The following ADGRD2 variants were observed in gnomAD, a reference collection of about 807,000 sequenced individuals.
The protein encoded by ADGRD2 is G protein-coupled receptor PGR24.
ADGRD2 carries 71 observed loss-of-function variants against 44.4 expected under a neutral mutation model. The ratio of observed to expected loss-of-function variants is 1.60; its 90% CI spans 1.32 to 1.95. ADGRD2 has a LOEUF of 1.95. ADGRD2 is among the 30% of genes most tolerant of loss of function. The probability of loss-of-function intolerance (pLI) is 0.00; values close to 1 mark genes in which losing one functional copy is unlikely to be tolerated. For synonymous variants in ADGRD2, 481 were observed against 224.8 expected (o/e 2.14, Z -10.19); for missense variants, 1,039 against 512.4 (o/e 2.03, Z -9.92).
At chr9:124,475,133 G>A (rs1019027976) in intron 17 of ADGRD2, among the ~76,000 whole-genome samples, 7 of 152,252 alleles carry the variant, frequency 4.6e-5, no homozygotes, top group Admixed American at 3.3e-4. Flanking sequence ...ATAGCATGGC[G>A]AGGCGGTGAG....
Position 124,454,922 on chromosome 9 carries a change from A to G in ADGRD2, c.1190A>G (p.His397Arg). ...TCCAGCTTCCTGGGCCTTCTGGAGCATGTCCTGGCGATGGAGATGGCTCCC... is the reference window on the plus strand; with the variant it reads ...TCCAGCTTCCTGGGCCTTCTGGAGCGTGTCCTGGCGATGGAGATGGCTCCC... The change falls in exon 6 of 22, where the codon CAT becomes CGT. Residue 397 changes from histidine to arginine, a missense_variant. Coordinates refer to ENST00000334810, the Ensembl canonical transcript of ADGRD2. This position sits in a 1 kb window ranked among gnomAD's most constrained non-coding sequence, Gnocchi z 4.5. 1.4e-6 allele frequency: 1 copy of G among 716,582 alleles called. No homozygotes were observed. Among genetic ancestry groups the G allele is most frequent in the Non-Finnish European group, 2.6e-6 (1 of 385,066 alleles). 44.4% of individuals were successfully genotyped at this position (716,582 alleles called of 1,614,324 possible).
rs1394934156 is a variant in ADGRD2, at chr9:124,452,147, G to A, written c.59G>A (p.Gly20Glu). ...CCCCAGGTGAATCAAGGAACCCTTG[G>A]GCCCCAGGTTGGTATGAGGGATCCC... is the stretch of plus-strand genomic sequence containing the variant. The change falls in exon 1 of 22, where the codon GGG (glycine) becomes GAG (glutamate). Residue 20 changes from glycine (G) to glutamate (E), a missense_variant. Physicochemically the swap from Gly to Glu is moderately conservative, Grantham distance 98. Transcript: ENST00000334810. The A allele has an allele frequency of 1.1e-5, 8 of 717,268 alleles. No homozygotes were observed. In the Admixed American group the frequency reaches 1.2e-4, roughly 11 times the overall value. The allele number at this position is 717,268 out of a possible 1,614,324, so 44.4% of individuals were successfully genotyped here. A position where few individuals can be genotyped will look rare whatever the true frequency, so the allele number is the denominator to read the frequency against.
At chr9:124,452,619 C>T in exon 2 of ADGRD2, 1 of 718,428 alleles carries the variant, frequency 1.4e-6, no homozygotes, top group Non-Finnish European at 2.6e-6. Context: ...AGCAGTTTGG[C>T]CACTTGGCAC....
chr9:124,468,319 GGGGAGGAGCAGGGCCCC>G (rs1273549187), intron 13 of ADGRD2, 129 bp downstream of exon 16: 20 of 683,554 alleles, frequency 2.9e-5, no homozygotes, highest in Non-Finnish European at 5.1e-5. Context: ...AGCAGGGCCC[GGGGAGGAGCAGGGCCCC>G]GGGAGGAAAG....
chr9:124,453,109 C>G (rs984775741), exon 3 of ADGRD2: 4 of 700,600 alleles, frequency 5.7e-6, no homozygotes, highest in Non-Finnish European at 7.8e-6. Context: ...GAGCCCTCTG[C>G]CTGAGCTGGC....
intron 14 of ADGRD2, among the ~76,000 whole-genome samples, chr9:124,468,973 C>G (rs1329313971): frequency 2.0e-5 from 3 of 152,176 alleles, no homozygotes; most frequent in Non-Finnish European, 4.4e-5. Flanking sequence ...AGCCAGTTGC[C>G]CAGCCTCCGT....
chr9:124,467,902 G>A (rs973991878), intron 12 of ADGRD2, 78 bp downstream of exon 15: 23 of 710,532 alleles, frequency 3.2e-5, no homozygotes, highest in Admixed American at 2.8e-4. Context: ...CCATTGGTCG[G>A]GTGTCCATCC....
exon 9 of ADGRD2, chr9:124,458,229 G>T (rs1274250971): frequency 7.0e-6 from 5 of 718,456 alleles, no homozygotes; most frequent in Non-Finnish European, 5.2e-6. Flanking sequence ...GGCAAACAGG[G>T]TGCAGAGGTG....
At chr9:124,459,220 G>C (rs533323514) in intron 10 of ADGRD2, among the ~76,000 whole-genome samples, 1 of 152,188 alleles carries the variant, frequency 6.6e-6, no homozygotes, top group East Asian at 1.9e-4. Flanking sequence ...GTCCGGGCAC[G>C]GTGGCTTACG....
intron 7 of ADGRD2, among the ~76,000 whole-genome samples, 158 bp downstream of exon 10, chr9:124,456,891 C>T (rs1831628157): frequency 6.6e-6 from 1 of 152,178 alleles, no homozygotes; most frequent in South Asian, 2.1e-4. Flanking sequence ...CCCTCGATCT[C>T]CTAGCAAACA....
chr9:124,470,397 C>A, intron 16 of ADGRD2, 97 bp from the exon 20 acceptor site: 1 of 627,618 alleles, frequency 1.6e-6, no homozygotes, highest in Non-Finnish European at 2.9e-6. Context: ...CAGCTCCCAC[C>A]CCGCTCCAGG....
At position 124,454,620 on chromosome 9, in the gene ADGRD2, C is replaced by T. The variant is rs1351381124; in HGVS notation, c.1108+51C>T. The T allele has an allele frequency of 8.6e-6, 6 of 698,984 alleles. No individual in the cohort carries two copies. The highest frequency in any genetic ancestry group is 1.6e-5 in the Non-Finnish European group (6 of 373,330). 43.3% of individuals were successfully genotyped at this position (698,984 alleles called of 1,614,324 possible). A position where few individuals can be genotyped will look rare whatever the true frequency, so the allele number is the denominator to read the frequency against. ...AGCCTGGGGGCTCCATGGGTCACCTCGCTGCACCTCAGTTTCCTCCCTTGT... is the reference window on the plus strand; with the variant it reads ...AGCCTGGGGGCTCCATGGGTCACCTTGCTGCACCTCAGTTTCCTCCCTTGT... On this transcript the variant is annotated intron_variant, in intron 5 of 21. Coordinates refer to ENST00000334810, the Ensembl canonical transcript of ADGRD2. This position sits in a 1 kb window ranked among gnomAD's most constrained non-coding sequence, Gnocchi z 4.5.
At chr9:124,462,159 G>C (rs1831733942) in intron 10 of ADGRD2, among the ~76,000 whole-genome samples, 1 of 151,890 alleles carries the variant, frequency 6.6e-6, no homozygotes, top group African/African-American at 2.4e-5. Context: ...CCTGGCTCAA[G>C]CGATCCTCCT....
At chr9:124,467,589 G>C in intron 11 of ADGRD2, 132 bp from the exon 15 acceptor site, 1 of 638,704 alleles carries the variant, frequency 1.6e-6, no homozygotes. Context: ...TGCAGGCCTG[G>C]GTCCTGCTGG....
chr9:124,477,026 C>G (rs1198720747), intron 21 of ADGRD2: 5 of 624,714 alleles, frequency 8.0e-6, no homozygotes, highest in Non-Finnish European at 1.2e-5. Flanking sequence ...GCACAGCCTG[C>G]CTTTCTCTGT....
chr9:124,460,662 A>G (rs1160571620), intron 10 of ADGRD2, among the ~76,000 whole-genome samples: 2 of 151,982 alleles, frequency 1.3e-5, no homozygotes. Flanking sequence ...GCTGAGTAGT[A>G]CTGAGGTATA....
In ADGRD2 at chr9:124,454,012, G is replaced by C. The variant is rs1203526177; in HGVS notation, c.939G>C (p.Glu313Asp). The change falls in exon 4 of 22, where the codon GAG becomes GAC. Residue 313 changes from glutamate to aspartate, a missense_variant. By Grantham distance (45) the Glu-to-Asp change is conservative. Coordinates refer to ENST00000334810, the Ensembl canonical transcript of ADGRD2. The surrounding 1 kb of genome is among the most constrained non-coding windows in gnomAD (Gnocchi z 4.5). ...TGCCCCTGCCAGTGCCCTCCGAGGAGTGCCCTACGTGGAACCCGGGACCTC... is the reference window on the plus strand; with the variant it reads ...TGCCCCTGCCAGTGCCCTCCGAGGACTGCCCTACGTGGAACCCGGGACCTC... The C allele has an allele frequency of 1.3e-5, 9 of 705,454 alleles. No individual in the cohort carries two copies. In the Admixed American group the frequency reaches 1.5e-4, roughly 11 times the overall value. 43.7% of individuals were successfully genotyped at this position (705,454 alleles called of 1,614,324 possible). A position where few individuals can be genotyped will look rare whatever the true frequency, so the allele number is the denominator to read the frequency against.
At chr9:124,467,692 C>T (rs918288823) in intron 11 of ADGRD2, 29 bp from the exon 15 acceptor site, 1 of 717,614 alleles carries the variant, frequency 1.4e-6, no homozygotes, top group Non-Finnish European at 2.6e-6. Context: ...TGGGTGGTGC[C>T]AGGGGGGTTT....
intron 14 of ADGRD2, 146 bp downstream of exon 17, chr9:124,468,818 C>G: frequency 1.6e-6 from 1 of 608,776 alleles, no homozygotes; most frequent in South Asian, 2.0e-5. Context: ...AACCCAGCAC[C>G]ACCCAGCCAG....
Sources: gnomAD v4.1 joint callset for allele counts (sites outside exome capture counted in the v4.1 genomes callset) on GRCh38, gnomAD v4.1.1 for gene constraint, Gnocchi (gnomAD v3.1) non-coding constraint, MANE v1.5 for transcripts, NCBI Gene and HGNC (gene_info 2026-07-23, HGNC 2026-07-21) for gene names.